The following EXOC4 variants were observed in gnomAD, a reference collection of about 807,000 sequenced individuals.
EXOC4 encodes the protein SEC8-like 1.
In EXOC4, 71 loss-of-function variants were observed where a neutral mutation model predicts 107.2. That is an observed-to-expected ratio of 0.66 (90% CI 0.55 to 0.81). The LOEUF is 0.81. Ranked by LOEUF, EXOC4 falls within the 30% of genes least tolerant of loss-of-function variation. The probability of loss-of-function intolerance (pLI) is 0.00; values close to 1 mark genes in which losing one functional copy is unlikely to be tolerated. For missense variants in EXOC4, 1,108 were observed against 1,189.6 expected (o/e 0.93, Z 1.01); for synonymous variants, 456 against 441.2 (o/e 1.03, Z -0.42).
chr7:133,469,614 G>T (rs1322348159), intron 7 of EXOC4, among the ~76,000 whole-genome samples: 2 of 152,024 alleles, frequency 1.3e-5, no homozygotes, highest in African/African-American at 4.8e-5. Flanking sequence ...CTTAGTGAAG[G>T]AACAAATACT....
chr7:133,467,396 C>A (rs1440539250), intron 7 of EXOC4, among the ~76,000 whole-genome samples: 4 of 151,910 alleles, frequency 2.6e-5, no homozygotes, highest in Admixed American at 2.6e-4. Flanking sequence ...TGCTCTCCTT[C>A]CTTTATAGGA....
chr7:133,414,500 A>G (rs1161769081), intron 7 of EXOC4, among the ~76,000 whole-genome samples: 4 of 152,172 alleles, frequency 2.6e-5, no homozygotes, highest in Non-Finnish European at 4.4e-5. Flanking sequence ...ATAGAAATAA[A>G]AGAGACATGT....
At chr7:133,887,780 A>T (rs1227792339) in intron 11 of EXOC4, among the ~76,000 whole-genome samples, 1 of 152,042 alleles carries the variant, frequency 6.6e-6, no homozygotes, top group Non-Finnish European at 1.5e-5. Flanking sequence ...GGATGGCTGA[A>T]CTCCAGTCTC....
intron 11 of EXOC4, among the ~76,000 whole-genome samples, chr7:133,845,043 A>C (rs1798096619): frequency 6.6e-6 from 1 of 152,222 alleles, no homozygotes; most frequent in South Asian, 2.1e-4. Context: ...TGTATGTATA[A>C]GTAGACTCTA....
intron 10 of EXOC4, among the ~76,000 whole-genome samples, chr7:133,660,817 G>C (rs557450177): frequency 1.4e-4 from 22 of 152,236 alleles, no homozygotes; most frequent in African/African-American, 5.3e-4. Flanking sequence ...GGGATGTACT[G>C]CCGCCTTCAG....
chr7:133,798,795 A>AAAAT (rs1563002490), intron 10 of EXOC4, among the ~76,000 whole-genome samples: 31 of 152,156 alleles, frequency 2.0e-4, no homozygotes, highest in South Asian at 1.2e-3. Context: ...AAAGACAAAA[A>AAAAT]AAAATAAAAT....
At chr7:133,910,042 A>G (rs1242189022) in intron 12 of EXOC4, among the ~76,000 whole-genome samples, 1 of 149,188 alleles carries the variant, frequency 6.7e-6, no homozygotes, top group Non-Finnish European at 1.5e-5. Context: ...TCCTGCCTCA[A>G]CCTCCCAAGT....
intron 17 of EXOC4, among the ~76,000 whole-genome samples, chr7:134,038,081 A>G (rs924417116): frequency 2.0e-5 from 3 of 152,236 alleles, no homozygotes; most frequent in African/African-American, 4.8e-5. Flanking sequence ...TGGACCACTC[A>G]GTAGAACAGA....
At chr7:133,984,880 G>C (rs1315553263) in intron 14 of EXOC4, among the ~76,000 whole-genome samples, 1 of 152,146 alleles carries the variant, frequency 6.6e-6, no homozygotes, top group Non-Finnish European at 1.5e-5. Context: ...ATTTGTTCTA[G>C]AGGTAATAAA....
chr7:133,457,489 A>G (rs1798490022), intron 7 of EXOC4, among the ~76,000 whole-genome samples: 1 of 152,156 alleles, frequency 6.6e-6, no homozygotes, highest in Non-Finnish European at 1.5e-5. Context: ...CAGCACACCC[A>G]TCTTCCTTAG....
At chr7:133,388,064 T>C (rs1445608790) in intron 7 of EXOC4, among the ~76,000 whole-genome samples, 1 of 152,074 alleles carries the variant, frequency 6.6e-6, no homozygotes, top group Non-Finnish European at 1.5e-5. Context: ...GAAGAAGAGA[T>C]TGGGTGGCTT....
intron 9 of EXOC4, among the ~76,000 whole-genome samples, chr7:133,484,404 T>C (rs557919392): frequency 6.6e-6 from 1 of 152,334 alleles, no homozygotes; most frequent in African/African-American, 2.4e-5. Context: ...TGCCGCTTCA[T>C]TGTACTTAGC....
chr7:133,840,735 C>T (rs894970657), intron 11 of EXOC4, among the ~76,000 whole-genome samples: 3 of 152,068 alleles, frequency 2.0e-5, no homozygotes, highest in Non-Finnish European at 4.4e-5. Flanking sequence ...CCTGCCTCAG[C>T]CTCCCAAAGT....
At chr7:133,796,442 A>C (rs1406573592) in intron 10 of EXOC4, among the ~76,000 whole-genome samples, 1 of 152,130 alleles carries the variant, frequency 6.6e-6, no homozygotes, top group Admixed American at 6.5e-5. Context: ...CAGGCATGGC[A>C]TTGATGTAAT....
chr7:133,354,881 G>T (rs377072142), intron 5 of EXOC4, among the ~76,000 whole-genome samples: 2 of 152,178 alleles, frequency 1.3e-5, no homozygotes, highest in East Asian at 1.9e-4. Context: ...ATAGACTCCA[G>T]AGTTACAAAA....
At chr7:133,946,737 C>A (rs1008945481) in intron 14 of EXOC4, among the ~76,000 whole-genome samples, 8 of 152,350 alleles carry the variant, frequency 5.3e-5, no homozygotes, top group African/African-American at 1.7e-4. Flanking sequence ...CTAGACCTCT[C>A]TGTCTCCTTC....
chr7:133,344,794 T>G (rs1331991402), intron 5 of EXOC4, among the ~76,000 whole-genome samples: 2 of 152,222 alleles, frequency 1.3e-5, no homozygotes, highest in Non-Finnish European at 2.9e-5. Context: ...AGATCAACCT[T>G]AAGTTCATCA....
intron 11 of EXOC4, among the ~76,000 whole-genome samples, chr7:133,829,999 A>G (rs141444540): frequency 2.8e-4 from 43 of 151,320 alleles, no homozygotes; most frequent in African/African-American, 1.0e-3. Context: ...TTTCCCCTTT[A>G]TAGTTACAGC....
chr7:133,777,286 AGAGAGAGAGAGAGAGAG>A (rs1796365986), intron 10 of EXOC4, among the ~76,000 whole-genome samples: 19 of 149,586 alleles, frequency 1.3e-4, no homozygotes, highest in South Asian at 8.5e-4. Context: ...AGAAAGAGAG[AGAGAGAGAGAGAGAGAG>A]AGAGAGAGAG....
Sources: allele counts gnomAD v4.1 joint callset (sites outside exome capture counted in the v4.1 genomes callset), GRCh38; gene constraint gnomAD v4.1.1; transcripts MANE v1.5; gene names NCBI Gene and HGNC (gene_info 2026-07-23, HGNC 2026-07-21).